Variants in SLC35F4 observed in about 807,000 individuals in gnomAD.
SLC35F4 encodes solute carrier family 35 member F4, also known as chromosome 14 open reading frame 36.
A neutral mutation model predicts 44.2 loss-of-function variants in SLC35F4; 24 were observed. That is an observed-to-expected ratio of 0.54 (90% CI 0.39 to 0.76). The LOEUF (loss-of-function observed/expected upper bound fraction) is 0.76, where lower values mean the gene tolerates loss of function less well. Among genes scored for constraint, SLC35F4 ranks in the 30% least tolerant of loss-of-function variants. The pLI is 0.00. For missense variants in SLC35F4, 562 were observed against 586.1 expected (o/e 0.96, Z 0.42); for synonymous variants, 238 against 223.6 (o/e 1.06, Z -0.57).
intron 2 of SLC35F4, among the ~76,000 whole-genome samples, chr14:57,591,672 A>G (rs771892670): frequency 2.6e-5 from 4 of 152,228 alleles, no homozygotes; most frequent in African/African-American, 4.8e-5. Context: ...CTGGGCCTTC[A>G]GCCCTTAGCT....
intron 3 of SLC35F4, among the ~76,000 whole-genome samples, chr14:57,587,254 G>A (rs540068759): frequency 6.6e-6 from 1 of 152,308 alleles, no homozygotes; most frequent in Non-Finnish European, 1.5e-5. Flanking sequence ...ATTACCATTT[G>A]ACTCAGCAAT....
chr14:57,802,985 C>CAAAAA (rs59647111), intron 1 of SLC35F4, among the ~76,000 whole-genome samples: 10 of 71,302 alleles, frequency 1.4e-4, no homozygotes, highest in South Asian at 3.8e-4. Flanking sequence ...GCAGAGATAC[C>CAAAAA]AAAAAAAAAA....
intron 1 of SLC35F4, among the ~76,000 whole-genome samples, chr14:57,834,891 T>C (rs1285900690): frequency 6.6e-6 from 1 of 152,146 alleles, no homozygotes; most frequent in East Asian, 1.9e-4. Flanking sequence ...TAACTAGGTA[T>C]GGTGGTGCAT....
At chr14:57,738,182 C>T (rs532668592) in intron 1 of SLC35F4, among the ~76,000 whole-genome samples, 5 of 152,276 alleles carry the variant, frequency 3.3e-5, no homozygotes, top group Non-Finnish European at 5.9e-5. Flanking sequence ...GGAACCACCT[C>T]ATCTGTACCC....
At chr14:57,975,596 T>A (rs1881192259), downstream of SLC35F4, among the ~76,000 whole-genome samples, 1 of 152,110 alleles carries the variant, frequency 6.6e-6, no homozygotes, top group Non-Finnish European at 1.5e-5. Context: ...AGTCGAAAAT[T>A]TCAGAAAAAT....
intron 1 of SLC35F4, chr14:57,629,944 A>G (rs564423514): frequency 1.6e-5 from 8 of 502,556 alleles, no homozygotes; most frequent in South Asian, 1.2e-4. Flanking sequence ...TCTCTTCTTC[A>G]GGAATGTGGC....
chr14:57,608,804 G>C (rs971274762), intron 1 of SLC35F4, among the ~76,000 whole-genome samples: 55 of 139,370 alleles, frequency 3.9e-4, no homozygotes, highest in African/African-American at 1.5e-3. Context: ...GGGCGGCGGG[G>C]GGAGAGAAAC....
intron 1 of SLC35F4, chr14:57,596,789 G>A (rs1338858150): frequency 1.5e-6 from 2 of 1,367,114 alleles, no homozygotes; most frequent in Non-Finnish European, 2.0e-6. Flanking sequence ...TTATGTCCTG[G>A]CTTCCATACC....
At chr14:57,884,503 T>A (rs1888606609) in intron 1 of SLC35F4, among the ~76,000 whole-genome samples, 1 of 152,102 alleles carries the variant, frequency 6.6e-6, no homozygotes, top group African/African-American at 2.4e-5. Context: ...TACAAATCCA[T>A]CTCTCCAAAG....
intron 1 of SLC35F4, among the ~76,000 whole-genome samples, chr14:57,865,054 T>C (rs1888005998): frequency 4.1e-5 from 5 of 120,614 alleles, no homozygotes; most frequent in East Asian, 2.9e-4. Flanking sequence ...CCTCCCCTTC[T>C]CAGACCCCCC....
intron 1 of SLC35F4, among the ~76,000 whole-genome samples, chr14:57,611,163 T>C (rs1228019847): frequency 6.6e-6 from 1 of 152,112 alleles, no homozygotes; most frequent in East Asian, 1.9e-4. Flanking sequence ...GTTTGGTGTG[T>C]TATAGGAACT....
intron 1 of SLC35F4, among the ~76,000 whole-genome samples, chr14:57,760,866 A>C (rs1331881279): frequency 6.6e-6 from 1 of 152,126 alleles, no homozygotes; most frequent in Non-Finnish European, 1.5e-5. Context: ...TAGTTTCCTC[A>C]CATGTTTATA....
At chr14:57,901,266 A>C (rs1888994730) in intron 1 of SLC35F4, among the ~76,000 whole-genome samples, 1 of 152,252 alleles carries the variant, frequency 6.6e-6, no homozygotes, top group Non-Finnish European at 1.5e-5. Context: ...ATCTGGAATC[A>C]ACCTAAATGC....
chr14:57,586,098 C>G (rs2069698250), intron 3 of SLC35F4, among the ~76,000 whole-genome samples: 1 of 152,128 alleles, frequency 6.6e-6, no homozygotes, highest in Non-Finnish European at 1.5e-5. Context: ...CTACAGTAAC[C>G]AAAACAGCAT....
At position 57,678,072 on chromosome 14, in the gene SLC35F4, C is replaced by T. The variant is rs568396045; in HGVS notation, c.104-83948G>A. Among the ~76,000 whole-genome samples the T allele has an allele frequency of 2.6e-5, 4 of 152,132 alleles. No homozygotes were observed. In the East Asian group the frequency reaches 7.7e-4, roughly 29 times the overall value. On this transcript the variant is annotated intron_variant, in intron 1 of 7. Transcript: ENST00000556826. ...GAGCAACCCCAAGACAAATAATCATCAGATTCGCCAAGGTTGAAATGAAGG... is the reference window on the plus strand; with the variant it reads ...GAGCAACCCCAAGACAAATAATCATTAGATTCGCCAAGGTTGAAATGAAGG...
intron 1 of SLC35F4, among the ~76,000 whole-genome samples, chr14:57,795,726 G>A (rs2078038459): frequency 6.6e-6 from 1 of 152,142 alleles, no homozygotes; most frequent in Admixed American, 6.5e-5. Context: ...ATATATTCTA[G>A]TATAAAAATA....
chr14:57,626,654 T>C (rs1446050951), intron 1 of SLC35F4, among the ~76,000 whole-genome samples: 4 of 152,146 alleles, frequency 2.6e-5, no homozygotes, highest in African/African-American at 9.6e-5. Context: ...ACGCAGTAAT[T>C]GCTAAAAGAA....
At chr14:57,956,274 T>G (rs1339928357) in intron 1 of SLC35F4, among the ~76,000 whole-genome samples, 1 of 152,178 alleles carries the variant, frequency 6.6e-6, no homozygotes, top group African/African-American at 2.4e-5. Context: ...CCTTACACCT[T>G]ATACAAAAAA....
At chr14:57,907,039 G>A (rs1889114343) in intron 1 of SLC35F4, among the ~76,000 whole-genome samples, 1 of 152,144 alleles carries the variant, frequency 6.6e-6, no homozygotes, top group African/African-American at 2.4e-5. Flanking sequence ...ACTTTAGTAT[G>A]TATTGGTTGC....
Sources: allele counts gnomAD v4.1 joint callset (sites outside exome capture counted in the v4.1 genomes callset), GRCh38; gene constraint gnomAD v4.1.1; transcripts MANE v1.5; gene names NCBI Gene and HGNC (gene_info 2026-07-23, HGNC 2026-07-21).